TPTE2: variants seen among roughly 807,000 people sequenced by gnomAD.
TPTE2 encodes the protein transmembrane phosphoinositide 3-phosphatase and tensin homolog 2, also known as phosphatidylinositol 3,4,5-trisphosphate 3-phosphatase TPTE2.
A neutral mutation model predicts 78.6 loss-of-function variants in TPTE2; 53 were observed. The observed-to-expected ratio is 0.67, with a 90% CI of 0.54 to 0.85. The LOEUF is 0.85. TPTE2 is among the 40% of genes least tolerant of loss of function. The probability of loss-of-function intolerance (pLI) is 0.00; values close to 1 mark genes in which losing one functional copy is unlikely to be tolerated. For synonymous variants in TPTE2, 175 were observed against 206.2 expected (o/e 0.85, Z 1.30); for missense variants, 461 against 623.0 (o/e 0.74, Z 2.77).
intron 16 of TPTE2, among the ~76,000 whole-genome samples, 193 bp from the exon 20 acceptor site, chr13:19,430,740 C>T (rs1452739220): frequency 1.3e-5 from 2 of 152,174 alleles, no homozygotes; most frequent in Admixed American, 1.3e-4. Context: ...TCTCCTAAAG[C>T]AGATTTTATA....
At chr13:19,473,656 C>T (rs138780644) in intron 6 of TPTE2, among the ~76,000 whole-genome samples, 3,618 of 140,486 alleles carry the variant, frequency 0.026, 113 homozygotes, top group African/African-American at 0.076. Context: ...AGTGCAATGG[C>T]GTGATCTCAG....
intron 2 of TPTE2, among the ~76,000 whole-genome samples, chr13:19,493,182 A>T (rs79877725): frequency 0.013 from 7 of 538 alleles, no homozygotes; most frequent in Non-Finnish European, 0.094. Flanking sequence ...CTCTGTTACA[A>T]AAAAAAAAAA....
intron 18 of TPTE2, among the ~76,000 whole-genome samples, chr13:19,425,370 A>AT (rs1875951253): frequency 6.6e-6 from 1 of 152,258 alleles, no homozygotes; most frequent in Admixed American, 6.5e-5. Flanking sequence ...AATTCTTATA[A>AT]TTTTTTTGTT....
chr13:19,444,951 C>A (rs1335610275), intron 13 of TPTE2, among the ~76,000 whole-genome samples: 6 of 152,162 alleles, frequency 3.9e-5, no homozygotes, highest in African/African-American at 1.2e-4. Context: ...AAACATGACG[C>A]CTTCCTCACA....
intron 13 of TPTE2, among the ~76,000 whole-genome samples, chr13:19,449,098 A>T (rs1046696928): frequency 1.3e-5 from 2 of 152,206 alleles, no homozygotes; most frequent in African/African-American, 4.8e-5. Context: ...TCATAGAAGC[A>T]GAGAGTAGAA....
chr13:19,537,555 AGTTT>A (rs3052827), upstream of TPTE2, among the ~76,000 whole-genome samples: 27,388 of 149,722 alleles, frequency 0.18, 3,467 homozygotes, highest in African/African-American at 0.35. Flanking sequence ...GATTTTTAGA[AGTTT>A]GTTTGTTTGT....
chr13:19,547,265 T>C, the TPTE2 span, among the ~76,000 whole-genome samples: 2 of 152,208 alleles, frequency 1.3e-5, no homozygotes, highest in Non-Finnish European at 2.9e-5. Flanking sequence ...AAGACCAGCC[T>C]GGGCAACATA....
intron 4 of TPTE2, among the ~76,000 whole-genome samples, chr13:19,478,353 T>C (rs1438677882): frequency 1.3e-5 from 2 of 152,088 alleles, no homozygotes; most frequent in Admixed American, 6.5e-5. Context: ...GGGCAAAGGA[T>C]ATGAACAGAC....
intron 1 of TPTE2, among the ~76,000 whole-genome samples, chr13:19,509,335 A>G (rs2137690019): frequency 6.6e-6 from 1 of 152,318 alleles, no homozygotes; most frequent in East Asian, 1.9e-4. Flanking sequence ...TTAACAAAAC[A>G]AAAGTGTGTC....
chr13:19,535,393 G>A lies in TPTE2; in HGVS notation c.-44+1203C>T, dbSNP rs9508381. Among the ~76,000 whole-genome samples, 112,179 of 151,724 alleles carry A rather than the reference G, an allele frequency of 0.74. 44,022 individuals are homozygous for A. Among genetic ancestry groups the A allele is most frequent in the East Asian group, 0.96 (4,973 of 5,160 alleles). On this transcript the variant is annotated intron_variant, in intron 1 of 17. Transcript: ENST00000390680. The surrounding 1 kb of genome is among the most constrained non-coding windows in gnomAD (Gnocchi z 5.1). ...ACAAAAAGGGACAATGTCATCACTG[G>A]CTAGTGAAAATTAGAAAAATTTAAG...
In TPTE2 at chr13:19,423,107, A is replaced by C. The variant is rs780874714; in HGVS notation, c.1524T>G (p.Ile508Met). 3 of 1,612,316 alleles carry C rather than the reference A, an allele frequency of 1.9e-6. No homozygotes were observed. The highest frequency in any genetic ancestry group is 2.5e-6 in the Non-Finnish European group (3 of 1,179,170). ...TCTCCACAGCAAATTCTGGTGGATA[A>C]ATTTTCCATGCTTTTTGTTTATGTG... The change falls in exon 20 of 20, where the codon ATT (isoleucine) becomes ATG (methionine). Residue 508 changes from isoleucine (I) to methionine (M), a missense_variant. Coordinates refer to ENST00000400230, the Ensembl canonical transcript of TPTE2.
At chr13:19,491,899 A>C (rs1285129773) in intron 3 of TPTE2, among the ~76,000 whole-genome samples, 1 of 152,182 alleles carries the variant, frequency 6.6e-6, no homozygotes, top group East Asian at 1.9e-4. Flanking sequence ...ATTCTTTTAA[A>C]AATTTATTTA....
chr13:19,491,584 G>C (rs1311353068), intron 3 of TPTE2, among the ~76,000 whole-genome samples: 1 of 152,112 alleles, frequency 6.6e-6, no homozygotes, highest in Non-Finnish European at 1.5e-5. Context: ...CCAGCAGTTT[G>C]GGAGGCTAAG....
At chr13:19,488,813 C>T (rs1880810588) in intron 3 of TPTE2, among the ~76,000 whole-genome samples, 1 of 152,168 alleles carries the variant, frequency 6.6e-6, no homozygotes, top group African/African-American at 2.4e-5. Context: ...TCTTAATTTT[C>T]TTCAAGAAGT....
intron 13 of TPTE2, among the ~76,000 whole-genome samples, chr13:19,438,809 T>C (rs975828677): frequency 6.6e-6 from 1 of 152,160 alleles, no homozygotes; most frequent in East Asian, 1.9e-4. Context: ...ATGAAGGACA[T>C]CCCAGATCCT....
chr13:19,548,639 A>G, the TPTE2 span, among the ~76,000 whole-genome samples: 3 of 151,350 alleles, frequency 2.0e-5, no homozygotes, highest in African/African-American at 7.3e-5. Flanking sequence ...GCATATCAAA[A>G]ATAGCCTTAG....
chr13:19,543,173 TC>T, the TPTE2 span, among the ~76,000 whole-genome samples: 4 of 151,944 alleles, frequency 2.6e-5, no homozygotes, highest in Admixed American at 2.6e-4. Flanking sequence ...TCGTCCCACT[TC>T]CCAAGTAGCT....
At chr13:19,531,908 C>G (rs1394001367) in intron 1 of TPTE2, among the ~76,000 whole-genome samples, 1 of 152,080 alleles carries the variant, frequency 6.6e-6, no homozygotes, top group Non-Finnish European at 1.5e-5. Flanking sequence ...GCCTTGGTGA[C>G]AGAGCAAGAC....
upstream of TPTE2, among the ~76,000 whole-genome samples, chr13:19,508,177 T>C (rs1244223802): frequency 1.3e-5 from 2 of 152,184 alleles, no homozygotes; most frequent in South Asian, 2.1e-4. Flanking sequence ...GTGGGTGCTA[T>C]TAATAATTAT....
Sources: gnomAD v4.1 joint callset for allele counts (sites outside exome capture counted in the v4.1 genomes callset) on GRCh38, gnomAD v4.1.1 for gene constraint, Gnocchi (gnomAD v3.1) non-coding constraint, MANE v1.5 for transcripts, NCBI Gene and HGNC (gene_info 2026-07-23, HGNC 2026-07-21) for gene names.